The following ZBTB20 variants were observed in gnomAD, a reference collection of about 807,000 sequenced individuals.
ZBTB20 encodes the protein zinc finger and BTB domain-containing protein 20.
ZBTB20 carries 9 observed loss-of-function variants against 56.9 expected under a neutral mutation model. The ratio of observed to expected loss-of-function variants is 0.16; its 90% confidence interval spans 0.10 to 0.28. The LOEUF is 0.28. Among genes scored for constraint, ZBTB20 ranks in the 10% least tolerant of loss-of-function variants. ZBTB20 has a pLI of 1.00. For missense variants in ZBTB20, 655 were observed against 1,003.0 expected (o/e 0.65, Z 4.69); for synonymous variants, 417 against 420.7 (o/e 0.99, Z 0.11).
chr3:114,637,837 TTTA>T (rs1218631118), intron 6 of ZBTB20, among the ~76,000 whole-genome samples: 1 of 152,120 alleles, frequency 6.6e-6, no homozygotes, highest in Non-Finnish European at 1.5e-5. Flanking sequence ...CTATCATTAT[TTTA>T]TTGATTGAAT....
chr3:114,515,895 T>C (rs995403065), intron 6 of ZBTB20, among the ~76,000 whole-genome samples: 3 of 152,208 alleles, frequency 2.0e-5, no homozygotes, highest in African/African-American at 7.2e-5. Flanking sequence ...AACCATCTTT[T>C]GCAGACTTTA....
intron 7 of ZBTB20, among the ~76,000 whole-genome samples, chr3:114,476,876 T>G (rs1576976350): frequency 6.6e-6 from 1 of 152,360 alleles, no homozygotes; most frequent in South Asian, 2.1e-4. Context: ...AGGGCTAGAC[T>G]GCCTGGATCA....
chr3:114,391,956 C>T (rs1330185591), intron 7 of ZBTB20, among the ~76,000 whole-genome samples: 1 of 152,108 alleles, frequency 6.6e-6, no homozygotes, highest in East Asian at 1.9e-4. Flanking sequence ...GGGTGTGTAA[C>T]CTGCAAAAAT....
intron 3 of ZBTB20, among the ~76,000 whole-genome samples, chr3:114,958,270 A>G (rs2077317426): frequency 6.6e-6 from 1 of 152,250 alleles, no homozygotes; most frequent in South Asian, 2.1e-4. Context: ...ATTACTGTCT[A>G]AAGAATTTAT....
chr3:114,887,374 G>T (rs1432185274), intron 4 of ZBTB20, among the ~76,000 whole-genome samples: 1 of 152,144 alleles, frequency 6.6e-6, no homozygotes, highest in Non-Finnish European at 1.5e-5. Context: ...AAAATTTCAT[G>T]TTCACCTGGA....
rs541076668 is a variant in ZBTB20, at chr3:115,025,530, C to T, written c.-507+45689G>A. Among the ~76,000 whole-genome samples, 26 of 150,614 alleles carry T rather than the reference C, an allele frequency of 1.7e-4. No individual in the cohort carries two copies. In the South Asian group the frequency reaches 5.2e-3, roughly 30 times the overall value. On this transcript the variant is annotated intron_variant, in intron 2 of 11. Coordinates refer to ENST00000675478, the MANE Select transcript of ZBTB20 (RefSeq NM_001348800.3). ...TTTTCTAGTTGGAAAAGTATGATTC[C>T]CACAATAAAAGTAATAAAATATAAT...
intron 6 of ZBTB20, among the ~76,000 whole-genome samples, chr3:114,563,654 G>A (rs753826867): frequency 7.2e-5 from 11 of 152,140 alleles, no homozygotes; most frequent in Non-Finnish European, 1.5e-4. Context: ...AGTCTGGAAT[G>A]TACTGCTGAT....
chr3:114,409,004 G>A (rs1315624175), intron 7 of ZBTB20, among the ~76,000 whole-genome samples: 3 of 151,122 alleles, frequency 2.0e-5, no homozygotes, highest in Non-Finnish European at 4.4e-5. Flanking sequence ...GCTGCCCAAA[G>A]CAACACACTG....
intron 6 of ZBTB20, among the ~76,000 whole-genome samples, chr3:114,677,064 C>T (rs1314011291): frequency 6.6e-6 from 1 of 152,052 alleles, no homozygotes. Context: ...AGCCACTGTG[C>T]CCAGCCAACT....
intron 4 of ZBTB20, among the ~76,000 whole-genome samples, chr3:114,854,759 T>A (rs534052708): frequency 1.2e-4 from 18 of 152,326 alleles, no homozygotes; most frequent in African/African-American, 3.4e-4. Flanking sequence ...TAAAAGTATA[T>A]TTTGCTTATT....
rs541029119 is a variant in ZBTB20, at chr3:114,541,670, C to T, written c.-294-41279G>A. 3.9e-5 allele frequency among the ~76,000 whole-genome samples: 6 copies of T among 152,162 alleles called. No homozygotes were observed. In the East Asian group the frequency reaches 1.2e-3, roughly 29 times the overall value. ...GTGGACTGTGATAGTACCTACAGACCTTTTCTTCAACATATGACAAAGCAT... is the reference window on the plus strand; with the variant it reads ...GTGGACTGTGATAGTACCTACAGACTTTTTCTTCAACATATGACAAAGCAT... On this transcript the variant is annotated intron_variant, in intron 6 of 11. Transcript: ENST00000675478.
intron 10 of ZBTB20, among the ~76,000 whole-genome samples, chr3:114,355,045 G>A (rs2081093205): frequency 1.3e-5 from 2 of 152,128 alleles, no homozygotes; most frequent in Non-Finnish European, 2.9e-5. Flanking sequence ...GATCACTGAG[G>A]AATGGAACTT....
chr3:114,439,039 T>G (rs2090732821), intron 7 of ZBTB20, among the ~76,000 whole-genome samples: 1 of 152,172 alleles, frequency 6.6e-6, no homozygotes, highest in Non-Finnish European at 1.5e-5. Flanking sequence ...TCCTGGGGTC[T>G]GCCAACATAT....
chr3:114,980,614 T>A (rs2078287280), intron 2 of ZBTB20, among the ~76,000 whole-genome samples: 1 of 151,990 alleles, frequency 6.6e-6, no homozygotes, highest in Admixed American at 6.6e-5. Flanking sequence ...TACTAAATTA[T>A]ATTAGATTGA....
chr3:114,660,518 T>C (rs1316955069), intron 6 of ZBTB20, among the ~76,000 whole-genome samples: 2 of 152,132 alleles, frequency 1.3e-5, no homozygotes, highest in African/African-American at 4.8e-5. Flanking sequence ...TTTTAGGGAT[T>C]TTTTTTCCCC....
intron 2 of ZBTB20, among the ~76,000 whole-genome samples, chr3:115,028,086 A>T (rs1003856018): frequency 6.6e-6 from 1 of 150,842 alleles, no homozygotes; most frequent in Non-Finnish European, 1.5e-5. Context: ...ATTATTAACT[A>T]TAGTCATCAT....
intron 3 of ZBTB20, among the ~76,000 whole-genome samples, chr3:114,917,543 G>A (rs868344995): frequency 1.3e-5 from 2 of 152,152 alleles, no homozygotes; most frequent in Non-Finnish European, 2.9e-5. Context: ...CTTGTTTATT[G>A]TGACTAAATT....
At chr3:114,435,842 G>A (rs1248181098) in intron 7 of ZBTB20, among the ~76,000 whole-genome samples, 1 of 152,074 alleles carries the variant, frequency 6.6e-6, no homozygotes, top group African/African-American at 2.4e-5. Context: ...CAATGTGCCT[G>A]GGGAACTCTC....
At chr3:114,593,238 G>A (rs2107576007) in intron 6 of ZBTB20, among the ~76,000 whole-genome samples, 1 of 152,222 alleles carries the variant, frequency 6.6e-6, no homozygotes, top group African/African-American at 2.4e-5. Context: ...CTTACTTGGG[G>A]TCGTTTTGAG....
Sources: gnomAD v4.1 joint callset for allele counts (sites outside exome capture counted in the v4.1 genomes callset) on GRCh38, gnomAD v4.1.1 for gene constraint, MANE v1.5 for transcripts, NCBI Gene and HGNC (gene_info 2026-07-23, HGNC 2026-07-21) for gene names.